PARP10: variants seen among roughly 807,000 people sequenced by gnomAD.
PARP10 encodes the protein poly(ADP-ribose) polymerase family member 10, also known as protein mono-ADP-ribosyltransferase PARP10.
A neutral mutation model predicts 82.4 loss-of-function variants in PARP10; 56 were observed. The observed-to-expected ratio is 0.68, with a 90% CI of 0.55 to 0.85. The LOEUF (loss-of-function observed/expected upper bound fraction) is 0.85. PARP10 is among the 40% of genes least tolerant of loss of function. The probability of loss-of-function intolerance (pLI) is 0.00; values close to 1 mark genes in which losing one functional copy is unlikely to be tolerated. For missense variants in PARP10, 1,227 were observed against 1,379.4 expected (o/e 0.89, Z 1.75); for synonymous variants, 576 against 601.1 (o/e 0.96, Z 0.61).
At chr8:143,980,611 A>T (rs1213946014) in intron 9 of PARP10, among the ~76,000 whole-genome samples, 1 of 151,886 alleles carries the variant, frequency 6.6e-6, no homozygotes, top group Non-Finnish European at 1.5e-5. Flanking sequence ...TTAAAAGTCA[A>T]ATATGTTTAG....
In PARP10 at chr8:143,986,074, G is replaced by A. The variant is rs949764974; in HGVS notation, c.162C>T (p.Leu54=). The A allele has an allele frequency of 6.2e-7, 1 of 1,613,904 alleles. No homozygotes were observed. Among genetic ancestry groups the A allele is most frequent in the Non-Finnish European group, 8.5e-7 (1 of 1,179,996 alleles). Residue 54 remains leucine (L), a synonymous_variant, in exon 2 of 11, where the codon CTC becomes CTT. Transcript: ENST00000313028. ...TCTCACCTGCAGGCTCTCTGAAGGT[G>A]AGGACGCCCCCACAGCCCAGTCTCT... is the stretch of plus-strand genomic sequence containing the variant. ...SWQRLGCGGV[L]TFREPADAER...
intron 1 of PARP10, among the ~76,000 whole-genome samples, chr8:144,010,989 T>C (rs555318743): frequency 6.6e-6 from 1 of 152,034 alleles, no homozygotes; most frequent in East Asian, 1.9e-4. Context: ...CTGAAGGTAA[T>C]CTCCTTTAAA....
At chr8:143,994,749 G>A (rs1043659141), upstream of PARP10, among the ~76,000 whole-genome samples, 2 of 152,098 alleles carry the variant, frequency 1.3e-5, no homozygotes, top group Non-Finnish European at 2.9e-5. Context: ...GCTGAGCAGC[G>A]AGTGGGCCAC....
chr8:143,980,734 C>CA (rs1341337272), intron 9 of PARP10, among the ~76,000 whole-genome samples: 7 of 151,732 alleles, frequency 4.6e-5, no homozygotes, highest in Admixed American at 4.6e-4. Context: ...TGAAGAAAGT[C>CA]AAAAAAAGAA....
upstream of PARP10, chr8:143,992,987 T>C: frequency 3.0e-6 from 2 of 665,968 alleles, no homozygotes; most frequent in East Asian, 5.4e-5. Context: ...CCCTCCTGTA[T>C]GTACACTGCA....
intron 1 of PARP10, among the ~76,000 whole-genome samples, chr8:144,004,867 G>A (rs1834224192): frequency 6.6e-6 from 1 of 152,158 alleles, no homozygotes; most frequent in Admixed American, 6.6e-5. Flanking sequence ...TGGGGTGAAT[G>A]GAGTGGGCAC....
chr8:143,978,221 C>G (rs1754257073), intron 9 of PARP10, 140 bp from the exon 10 acceptor site: 1 of 988,734 alleles, frequency 1.0e-6, no homozygotes, highest in Non-Finnish European at 1.4e-6. Flanking sequence ...CCCCATCATG[C>G]TCTGTCCAGC....
At chr8:143,994,321 AG>A (rs11334650), upstream of PARP10, among the ~76,000 whole-genome samples, 67,435 of 152,062 alleles carry the variant, frequency 0.44, 16,016 homozygotes, top group African/African-American at 0.6. Context: ...AGGCCAGAGC[AG>A]GGGCTGCCCC....
At chr8:143,995,308 A>G (rs1157977540), upstream of PARP10, among the ~76,000 whole-genome samples, 1 of 152,208 alleles carries the variant, frequency 6.6e-6, no homozygotes, top group Non-Finnish European at 1.5e-5. Context: ...GTGGGCCACA[A>G]GGAAGCCATT....
At chr8:143,978,245 A>C (rs548977968) in intron 9 of PARP10, among the ~76,000 whole-genome samples, 164 bp from the exon 10 acceptor site, 13 of 151,984 alleles carry the variant, frequency 8.6e-5, no homozygotes, top group African/African-American at 2.9e-4. Context: ...AGACAGTAAC[A>C]CCTCCGTGAA....
rs1554748059 is a variant in PARP10, at chr8:143,982,923, TG to T, written c.2556+8del. The T allele has an allele frequency of 6.2e-7, 1 of 1,613,214 alleles. No homozygotes were observed. Among genetic ancestry groups the T allele is most frequent in the Admixed American group, 1.7e-5 (1 of 60,020 alleles). ...GCCATGAGGCCAGAGAGACAGGGCA[TG>T]GACTCACACGAACGACGCGGATGCT... On this transcript the variant is annotated splice_region_variant and intron_variant, in intron 9 of 10. Transcript: ENST00000313028.
upstream of PARP10, among the ~76,000 whole-genome samples, chr8:143,996,133 C>G (rs1358450404): frequency 2.0e-5 from 3 of 152,234 alleles, no homozygotes; most frequent in East Asian, 5.8e-4. Flanking sequence ...GACGCTCCCC[C>G]ACGATGAGCA....
At chr8:143,991,634 CG>C, upstream of PARP10, 1 of 1,557,502 alleles carries the variant, frequency 6.4e-7, no homozygotes, top group South Asian at 1.1e-5. Flanking sequence ...GTGGGGTGGC[CG>C]GGAGGGCAGG....
upstream of PARP10, chr8:143,991,217 C>G: frequency 6.4e-7 from 1 of 1,566,746 alleles, no homozygotes; most frequent in South Asian, 1.2e-5. Context: ...CCGCGGAACC[C>G]GAGGCCATGT....
At chr8:143,999,878 G>A (rs1834189430) in intron 1 of PARP10, among the ~76,000 whole-genome samples, 1 of 152,212 alleles carries the variant, frequency 6.6e-6, no homozygotes, top group Non-Finnish European at 1.5e-5. Flanking sequence ...TAAAACTCAC[G>A]AAGAGAATAA....
intron 1 of PARP10, among the ~76,000 whole-genome samples, chr8:144,006,983 C>T (rs1351673056): frequency 2.6e-5 from 4 of 152,352 alleles, no homozygotes; most frequent in African/African-American, 9.6e-5. Flanking sequence ...TCCACCCTTC[C>T]TGGTCTTTGA....
chr8:143,978,768 C>A (rs868965586), intron 9 of PARP10, among the ~76,000 whole-genome samples: 1 of 152,024 alleles, frequency 6.6e-6, no homozygotes, highest in South Asian at 2.1e-4. Flanking sequence ...GGTGAGGGGG[C>A]CTGAGGTCTG....
intron 1 of PARP10, among the ~76,000 whole-genome samples, chr8:144,000,542 A>G (rs1554751622): frequency 1.3e-5 from 2 of 152,180 alleles, no homozygotes; most frequent in African/African-American, 4.8e-5. Context: ...ATAAACTAAT[A>G]TACCTAGAAC....
chr8:143,985,646 C>T lies in PARP10; in HGVS notation c.439G>A (p.Val147Ile), dbSNP rs2133052215. The change falls in exon 4 of 11, where the codon GTC becomes ATC. Residue 147 changes from valine (V) to isoleucine (I), a missense_variant and splice_region_variant. Physicochemically the swap from Val to Ile is conservative, Grantham distance 29 (BLOSUM62 3). Transcript: ENST00000313028. The stretch of plus-strand genomic sequence containing the variant: ...TGGGCCTGCTCCTCCAGGACACGGA[C>T]ATCTGTGGGGTATGTGCAGGTCAGC... Reference protein sequence around the residue: ...QLPKPLSEADVRVLEEQAQNL... With the variant: ...QLPKPLSEADIRVLEEQAQNL... 6.2e-7 allele frequency: 1 copy of T among 1,612,928 alleles called. No homozygotes were observed. Among genetic ancestry groups the T allele is most frequent in the South Asian group, 1.1e-5 (1 of 90,998 alleles).
Sources: gnomAD v4.1 joint callset for allele counts (sites outside exome capture counted in the v4.1 genomes callset) on GRCh38, gnomAD v4.1.1 for gene constraint, MANE v1.5 for transcripts, NCBI Gene and HGNC (gene_info 2026-07-23, HGNC 2026-07-21) for gene names.